The following SLC25A25 variants were observed in gnomAD, a reference collection of about 807,000 sequenced individuals.
SLC25A25 encodes solute carrier family 25 member 25.
Under a neutral mutation model 57.7 loss-of-function variants are expected in SLC25A25, and 32 were observed. That is an observed-to-expected ratio of 0.55 (90% CI 0.42 to 0.74). SLC25A25 has a LOEUF of 0.74. Ranked by LOEUF, SLC25A25 falls within the 30% of genes least tolerant of loss-of-function variation. The pLI, the probability that SLC25A25 is intolerant of heterozygous loss-of-function variation, is 0.00. For synonymous variants in SLC25A25, 306 were observed against 291.2 expected, an observed-to-expected ratio of 1.05 and a Z score of -0.52; for missense variants, 556 against 701.3, an observed-to-expected ratio of 0.79 and a Z score of 2.34.
chr9:128,104,822 A>AT (rs200368248), intron 6 of SLC25A25, among the ~76,000 whole-genome samples: 3,779 of 134,920 alleles, frequency 0.028, 161 homozygotes, highest in African/African-American at 0.099. Context: ...AAAAACTTTG[A>AT]TTTTTAAAAA....
chr9:128,085,072 G>C (rs1242621138), intron 1 of SLC25A25, among the ~76,000 whole-genome samples: 2 of 152,194 alleles, frequency 1.3e-5, no homozygotes, highest in Non-Finnish European at 1.5e-5. Flanking sequence ...GCTCACACCT[G>C]TAATCCCAGT....
At chr9:128,078,559 C>T (rs929544214) in intron 1 of SLC25A25, among the ~76,000 whole-genome samples, 4 of 152,326 alleles carry the variant, frequency 2.6e-5, no homozygotes, top group Admixed American at 6.5e-5. Context: ...CACAAAAAGA[C>T]GTCTTTGGGG....
intron 1 of SLC25A25, among the ~76,000 whole-genome samples, chr9:128,070,531 G>T (rs1588741318): frequency 1.3e-5 from 2 of 151,138 alleles, no homozygotes; most frequent in South Asian, 4.2e-4. Context: ...GTGAGCCACC[G>T]CACCCGGCTA....
At chr9:128,084,785 G>T (rs946918434) in intron 1 of SLC25A25, among the ~76,000 whole-genome samples, 1 of 152,066 alleles carries the variant, frequency 6.6e-6, no homozygotes, top group Non-Finnish European at 1.5e-5. Flanking sequence ...TACAGAATTC[G>T]ATTCTTTTCA....
In SLC25A25 at chr9:128,102,260, G is replaced by T. The variant is rs532547343; in HGVS notation, c.513-110G>T. On this transcript the variant is annotated intron_variant, in intron 4 of 10. Coordinates refer to ENST00000373069, the MANE Select transcript of SLC25A25 (RefSeq NM_001330988.2). The surrounding 1 kb of genome is among the most constrained non-coding windows in gnomAD (Gnocchi z 4.1). Reference sequence around the variant, plus strand: ...TTTCTCCTGGGGGCAGAGGCACCTCGTGTGGTTTCTGGGCATCCGAATGCC... The same window carrying T: ...TTTCTCCTGGGGGCAGAGGCACCTCTTGTGGTTTCTGGGCATCCGAATGCC... 1.3e-4 allele frequency: 186 copies of T among 1,406,700 alleles called. No individual in the cohort carries two copies. In the African/African-American group the frequency reaches 2.5e-3, roughly 19 times the overall value. 87.1% of individuals were successfully genotyped at this position (1,406,700 alleles called of 1,614,324 possible). A position where few individuals can be genotyped will look rare whatever the true frequency, so the allele number is the denominator to read the frequency against.
Position 128,068,834 on chromosome 9 carries a change from C to G in SLC25A25, c.261+254C>G, listed in dbSNP as rs946100808. ...ATGGGCTTTCTGATGGGCGAAAAGCCCTTTCTTGCCCAGAGTAGAAGGCCA... is the reference window on the plus strand; with the variant it reads ...ATGGGCTTTCTGATGGGCGAAAAGCGCTTTCTTGCCCAGAGTAGAAGGCCA... On this transcript the variant is annotated intron_variant, in intron 1 of 10. Coordinates refer to ENST00000373069, the MANE Select transcript of SLC25A25 (RefSeq NM_001330988.2). 1.1e-4 allele frequency among the ~76,000 whole-genome samples: 16 copies of G among 152,320 alleles called. 1 individual carries two copies. The highest frequency in any genetic ancestry group is 8.5e-4 in the Admixed American group (13 of 15,304).
chr9:128,106,652 T>G lies in SLC25A25; in HGVS notation c.1212+132T>G, dbSNP rs73669636. 10,356 of 1,164,498 alleles carry G rather than the reference T, an allele frequency of 8.9e-3. 354 individuals carry two copies. The African/African-American group carries it at 0.099, about 11-fold the overall frequency. 72.1% of individuals were successfully genotyped at this position (1,164,498 alleles called of 1,614,324 possible). A position where few individuals can be genotyped will look rare whatever the true frequency, so the allele number is the denominator to read the frequency against. On this transcript the variant is annotated intron_variant, in intron 9 of 10. Coordinates refer to ENST00000373069, the MANE Select transcript of SLC25A25 (RefSeq NM_001330988.2). ...CTGCGCCTCCTTCCTGCTCTTCTGT[T>G]TACTGCAGCTTTCCTTCACCCTGCC...
intron 1 of SLC25A25, among the ~76,000 whole-genome samples, chr9:128,068,897 A>C (rs1435639709): frequency 6.6e-6 from 1 of 152,148 alleles, no homozygotes; most frequent in Admixed American, 6.5e-5. Context: ...CCTGACCTCA[A>C]GGCCAAGCTG....
intron 1 of SLC25A25, chr9:128,091,943 G>A: frequency 6.2e-7 from 1 of 1,613,864 alleles, no homozygotes; most frequent in Non-Finnish European, 8.5e-7. Flanking sequence ...CAGAGAGGGG[G>A]ACGATCGTGA....
intron 1 of SLC25A25, among the ~76,000 whole-genome samples, chr9:128,069,031 GA>G (rs201947658): frequency 1.3e-5 from 2 of 151,490 alleles, no homozygotes; most frequent in African/African-American, 2.4e-5. Flanking sequence ...TGTGGGAGTT[GA>G]AAAAAAAATT....
chr9:128,068,731 C>G, intron 1 of SLC25A25, 151 bp downstream of exon 1: 1 of 913,748 alleles, frequency 1.1e-6, no homozygotes, highest in Non-Finnish European at 1.5e-6. Flanking sequence ...CCCACTTATG[C>G]CCTGGTGGGA....
chr9:128,100,976 G>C, intron 1 of SLC25A25, 120 bp from the exon 2 acceptor site: 2 of 1,378,198 alleles, frequency 1.5e-6, no homozygotes, highest in Non-Finnish European at 9.9e-7. Flanking sequence ...AGCATCTTGG[G>C]TCCTTGGGGC....
In SLC25A25 at chr9:128,099,186, G is replaced by A; in HGVS notation, c.262-1910G>A. On this transcript the variant is annotated intron_variant, in intron 1 of 10. Coordinates refer to ENST00000373069, the MANE Select transcript of SLC25A25 (RefSeq NM_001330988.2). The surrounding 1 kb of genome is among the most constrained non-coding windows in gnomAD (Gnocchi z 6.8). Reference sequence around the variant, plus strand: ...TCGCTGTGGAACAGGGCCTGTGTCTGCCCTGAAAGTGAGGAAGCCGAGCTG... The same window carrying A: ...TCGCTGTGGAACAGGGCCTGTGTCTACCCTGAAAGTGAGGAAGCCGAGCTG... The A allele has an allele frequency of 2.4e-6, 3 of 1,264,548 alleles. No individual in the cohort carries two copies. The highest frequency in any genetic ancestry group is 2.0e-6 in the Non-Finnish European group (2 of 978,926). The allele number at this position is 1,264,548 out of a possible 1,614,324, so 78.3% of individuals were successfully genotyped here.
In SLC25A25 at chr9:128,101,205, T is replaced by C. The variant is rs1203479363; in HGVS notation, c.371T>C (p.Leu124Ser). The C allele has an allele frequency of 1.9e-6, 3 of 1,614,254 alleles. No homozygotes were observed. Among genetic ancestry groups the C allele is most frequent in the Non-Finnish European group, 2.5e-6 (3 of 1,180,046 alleles). Residue 124 changes from leucine to serine, a missense_variant, in exon 2 of 11, where the codon TTG becomes TCG. Coordinates refer to ENST00000373069, the MANE Select transcript of SLC25A25 (RefSeq NM_001330988.2). The surrounding 1 kb of genome is among the most constrained non-coding windows in gnomAD (Gnocchi z 4.9). ...EKKLRLVFKS[L>S]DKKNDGRIDA... ...AAGCTGAGGCTGGTGTTTAAGAGTT[T>C]GGACAAAAAGAATGATGGTAAGTGT...
intron 1 of SLC25A25, among the ~76,000 whole-genome samples, chr9:128,078,697 T>C (rs1336279323): frequency 6.6e-6 from 1 of 152,154 alleles, no homozygotes; most frequent in Non-Finnish European, 1.5e-5. Flanking sequence ...GAAGCTCAAG[T>C]GGAGCTTACT....
chr9:128,105,324 C>A (rs930363122), intron 6 of SLC25A25, among the ~76,000 whole-genome samples: 1 of 151,962 alleles, frequency 6.6e-6, no homozygotes, highest in Non-Finnish European at 1.5e-5. Flanking sequence ...GTGCCTGCCA[C>A]CACGCCCGGC....
rs1187678861 is a variant in SLC25A25 at position 128,106,411 on chromosome 9, G to C, written c.1103G>C (p.Cys368Ser). The C allele has an allele frequency of 4.3e-6, 7 of 1,613,726 alleles. No homozygotes were observed. Among genetic ancestry groups the C allele is most frequent in the African/African-American group, 2.7e-5 (2 of 75,036 alleles). ...KTGQYSGMLD[C>S]ARRILAREGV... ...GGCCAGTACTCAGGAATGCTGGACT[G>C]CGCCAGGAGGATCCTGGCCAGAGAG... Residue 368 changes from cysteine (C) to serine (S), a missense_variant, in exon 9 of 11, where the codon TGC becomes TCC. Cys to Ser is a moderately radical substitution (Grantham distance 112). Around this residue, in one of 3 missense-constraint regions of SLC25A25, gnomAD observed 294 missense variants for 389.6 expected, o/e 0.75. Transcript: ENST00000373069.
In SLC25A25 at chr9:128,106,498, G is replaced by C. The variant is rs367599861; in HGVS notation, c.1190G>C (p.Gly397Ala). The change falls in exon 9 of 11, where the codon GGC becomes GCC. Residue 397 changes from glycine (G) to alanine (A), a missense_variant. Transcript: ENST00000373069. Reference sequence around the variant, plus strand: ...ATGCTGGGCATCATCCCCTATGCCGGCATCGACCTTGCAGTCTACGAGGTG... The same window carrying C: ...ATGCTGGGCATCATCCCCTATGCCGCCATCGACCTTGCAGTCTACGAGGTG... ...PNMLGIIPYA[G>A]IDLAVYETLK... 1 of 1,609,088 alleles carries C rather than the reference G, an allele frequency of 6.2e-7. No individual in the cohort carries two copies. Among genetic ancestry groups the C allele is most frequent in the Non-Finnish European group, 8.5e-7 (1 of 1,179,054 alleles).
rs1834104671 is a variant in SLC25A25, at chr9:128,107,563, C to G, written c.*119C>G. On this transcript the variant is annotated 3_prime_UTR_variant, in exon 11 of 11. Coordinates refer to ENST00000373069, the MANE Select transcript of SLC25A25 (RefSeq NM_001330988.2). ...CTGTCTCGAGCCAAGCTGTGAAAACCCTAGACGCACCCGCAGGGAGGGTGG... is the reference window on the plus strand; with the variant it reads ...CTGTCTCGAGCCAAGCTGTGAAAACGCTAGACGCACCCGCAGGGAGGGTGG... 6.5e-6 allele frequency: 8 copies of G among 1,231,648 alleles called. No homozygotes were observed. The South Asian group carries it at 9.6e-5, about 15-fold the overall frequency. 76.3% of individuals were successfully genotyped at this position (1,231,648 alleles called of 1,614,324 possible). A position where few individuals can be genotyped will look rare whatever the true frequency, so the allele number is the denominator to read the frequency against.
Sources: allele counts gnomAD v4.1 joint callset (sites outside exome capture counted in the v4.1 genomes callset), GRCh38; gene constraint gnomAD v4.1.1; regional missense constraint gnomAD v4.1.1; non-coding constraint Gnocchi (gnomAD v3.1); transcripts MANE v1.5; gene names NCBI Gene and HGNC (gene_info 2026-07-23, HGNC 2026-07-21).